Variants in MYO7A observed in about 807,000 individuals in gnomAD.
The protein encoded by MYO7A is myosin VIIA.
In MYO7A, 210 loss-of-function variants were observed where a neutral mutation model predicts 263.8. The ratio of observed to expected loss-of-function variants is 0.80; its 90% CI spans 0.71 to 0.89. MYO7A has a LOEUF of 0.89. Among genes scored for constraint, MYO7A ranks in the 40% least tolerant of loss-of-function variants. MYO7A has a pLI of 0.00. For missense variants in MYO7A, 2,820 were observed against 2,968.3 expected (o/e 0.95, Z 1.16); for synonymous variants, 1,239 against 1,197.3 (o/e 1.03, Z -0.72).
In MYO7A at chr11:77,177,532, G is replaced by C. The variant is rs1372144910; in HGVS notation, c.2188-17G>C. 1.2e-6 allele frequency: 2 copies of C among 1,601,138 alleles called. No homozygotes were observed. Among genetic ancestry groups the C allele is most frequent in the African/African-American group, 2.7e-5 (2 of 74,688 alleles). On this transcript the variant is annotated splice_polypyrimidine_tract_variant and intron_variant, in intron 18 of 48. Coordinates refer to ENST00000409709, the MANE Select transcript of MYO7A (RefSeq NM_000260.4). ...AGGAGACCTTGTGGGGCGCTGCTCA[G>C]GAGCTCTGCCTCCTAGGACCACCAT... is the stretch of plus-strand genomic sequence containing the variant.
intron 4 of MYO7A, among the ~76,000 whole-genome samples, chr11:77,149,797 C>T (rs1490392861): frequency 6.6e-6 from 1 of 152,140 alleles, no homozygotes; most frequent in African/African-American, 2.4e-5. Flanking sequence ...CTCTGTCCCT[C>T]AGTCAGGCCT....
chr11:77,195,404 C>T (rs895382326), intron 32 of MYO7A, among the ~76,000 whole-genome samples: 2 of 152,210 alleles, frequency 1.3e-5, no homozygotes, highest in African/African-American at 4.8e-5. Context: ...GGCACCTCCT[C>T]TCCCTTGGCC....
Position 77,182,141 on chromosome 11 carries a change from A to AG in MYO7A, c.3098dup (p.Asp1034Ter). The AG allele has an allele frequency of 6.2e-7, 1 of 1,613,240 alleles. No homozygotes were observed. Among genetic ancestry groups the AG allele is most frequent in the Admixed American group, 1.7e-5 (1 of 60,014 alleles). On this transcript the variant is annotated frameshift_variant, in exon 24 of 49. Transcript: ENST00000409709. LOFTEE classifies it high-confidence loss of function. ...CAGCCACTGCTCTACCATGACGACG[A>AG]GGGTGACCAGCTGGTAAGGCCTGCC...
chr11:77,160,879 A>C lies in MYO7A; in HGVS notation c.1201-94A>C, dbSNP rs1441576468. ...TTTCACACGGCACTTTGTTCCACAC[A>C]AGGGCTGGAGCGACACCACGAAGGG... On this transcript the variant is annotated intron_variant, in intron 11 of 48. Transcript: ENST00000409709. The C allele has an allele frequency of 3.7e-5, 54 of 1,444,476 alleles. No homozygotes were observed. In the Admixed American group the frequency reaches 1.1e-3, roughly 29 times the overall value. 89.5% of individuals were successfully genotyped at this position (1,444,476 alleles called of 1,614,324 possible).
Position 77,182,007 on chromosome 11 carries a change from C to G in MYO7A, c.2961C>G (p.Pro987=), listed in dbSNP as rs1591381599. The G allele has an allele frequency of 1.9e-6, 3 of 1,613,310 alleles. No individual in the cohort carries two copies. Among genetic ancestry groups the G allele is most frequent in the Non-Finnish European group, 1.7e-6 (2 of 1,179,784 alleles). The part of the protein sequence containing the change: ...MVEEDLDAAL[P]LPDEDEEDLS... Reference sequence around the variant, plus strand: ...AGGAGGACCTGGATGCAGCCCTGCCCCTGCCTGACGAGGATGAGGAGGACC... The same window carrying G: ...AGGAGGACCTGGATGCAGCCCTGCCGCTGCCTGACGAGGATGAGGAGGACC... The change falls in exon 24 of 49, where the codon CCC becomes CCG. Residue 987 remains proline (P), a synonymous_variant. Transcript: ENST00000409709.
intron 14 of MYO7A, 149 bp from the exon 15 acceptor site, chr11:77,165,907 C>G (rs559341544): frequency 1.0e-5 from 6 of 595,418 alleles, no homozygotes; most frequent in South Asian, 9.4e-5. Context: ...TTGGGCAAGT[C>G]TCTGTCCCCT....
chr11:77,173,160 A>C (rs1016548492), intron 16 of MYO7A, among the ~76,000 whole-genome samples: 1 of 152,202 alleles, frequency 6.6e-6, no homozygotes, highest in Non-Finnish European at 1.5e-5. Flanking sequence ...TTCTTCTCTT[A>C]TGCCTCAGTT....
chr11:77,170,662 G>T (rs2135387818), intron 15 of MYO7A, among the ~76,000 whole-genome samples: 1 of 152,186 alleles, frequency 6.6e-6, no homozygotes, highest in South Asian at 2.1e-4. Context: ...GGTGAGACAG[G>T]TGTGGCTCTC....
In MYO7A at chr11:77,211,163, G is replaced by A. The variant is rs111033209; in HGVS notation, c.6063G>A (p.Lys2021=). The A allele has an allele frequency of 5.6e-3, 8,842 of 1,580,260 alleles. 408 individuals are homozygous for A. The African/African-American group carries it at 0.1, about 18-fold the overall frequency. ...SIFHYYQELP[K]YLRGYHKCTR... Reference sequence around the variant, plus strand: ...TCTGTCTCTGACAGGAGTTGCCCAAGTATCTCCGAGGCTACCACAAGTGCA... The same window carrying A: ...TCTGTCTCTGACAGGAGTTGCCCAAATATCTCCGAGGCTACCACAAGTGCA... Residue 2021 remains lysine (K), a synonymous_variant, in exon 45 of 49, where the codon AAG becomes AAA. Transcript: ENST00000409709.
chr11:77,208,653 T>G (rs1172188729), intron 43 of MYO7A, 44 bp from the exon 44 acceptor site: 1 of 1,521,318 alleles, frequency 6.6e-7, no homozygotes, highest in East Asian at 2.4e-5. Context: ...TGAGCACTCC[T>G]CTGTGCAGGG....
chr11:77,169,279 G>T (rs1253827474), intron 15 of MYO7A, among the ~76,000 whole-genome samples: 1 of 152,224 alleles, frequency 6.6e-6, no homozygotes, highest in Non-Finnish European at 1.5e-5. Flanking sequence ...TGGGGCAGCC[G>T]TGGGCAGCCC....
intron 2 of MYO7A, among the ~76,000 whole-genome samples, chr11:77,135,529 C>T (rs1211841843): frequency 6.6e-6 from 1 of 152,192 alleles, no homozygotes; most frequent in East Asian, 1.9e-4. Flanking sequence ...CTGCTTTGAA[C>T]ATAGGTGTGC....
rs1487420828 is a variant in MYO7A at position 77,181,796 on chromosome 11, T to G, written c.2905-155T>G. On this transcript the variant is annotated intron_variant, in intron 23 of 48. Transcript: ENST00000409709. ...TTTTTTTTGTTTTTTTTTTTTTTTT[T>G]TTTTTTGAGATGGGGTCGTACCCTG... 4.8e-4 allele frequency among the ~76,000 whole-genome samples: 67 copies of G among 138,604 alleles called. 1 individual carries two copies. Among genetic ancestry groups the G allele is most frequent in the Non-Finnish European group, 7.2e-4 (46 of 64,224 alleles). The allele number at this position is 138,604 out of a possible 152,430, so 90.9% of individuals were successfully genotyped here.
chr11:77,191,609 T>G (rs567762645), intron 30 of MYO7A, among the ~76,000 whole-genome samples: 1 of 152,180 alleles, frequency 6.6e-6, no homozygotes, highest in Non-Finnish European at 1.5e-5. Context: ...CAGACTCACC[T>G]CGGAGGCTGG....
rs1455624911 is a variant in MYO7A, at chr11:77,160,915, T to C, written c.1201-58T>C. The C allele has an allele frequency of 2.6e-5, 41 of 1,560,852 alleles. No homozygotes were observed. In the East Asian group the frequency reaches 8.8e-4, roughly 33 times the overall value. ...CGACACCACGAAGGGTCCAGGAGCCTGGCCTGTCCCCCGGGGGAGGGTGTG... is the reference window on the plus strand; with the variant it reads ...CGACACCACGAAGGGTCCAGGAGCCCGGCCTGTCCCCCGGGGGAGGGTGTG... On this transcript the variant is annotated intron_variant, in intron 11 of 48. Coordinates refer to ENST00000409709, the MANE Select transcript of MYO7A (RefSeq NM_000260.4).
chr11:77,213,837 C>T (rs1565495101), intron 47 of MYO7A, 23 bp from the exon 48 acceptor site: 6 of 1,613,944 alleles, frequency 3.7e-6, no homozygotes, highest in Admixed American at 3.3e-5. Flanking sequence ...CCGTGCCTCT[C>T]TATGCCCTTT....
At chr11:77,192,971 GAGGTAGTTGTGATGGT>G (rs1956256759) in intron 31 of MYO7A, among the ~76,000 whole-genome samples, 1 of 17,800 alleles carries the variant, frequency 5.6e-5, no homozygotes, top group Non-Finnish European at 9.8e-5. Context: ...GGTGATGGTG[GAGGTAGTTGTGATGGT>G]GGAGGTAGTG....
At chr11:77,177,090 C>T (rs1004679096) in intron 18 of MYO7A, among the ~76,000 whole-genome samples, 1 of 152,124 alleles carries the variant, frequency 6.6e-6, no homozygotes, top group East Asian at 1.9e-4. Context: ...AGGAGGGTCC[C>T]TCTGGCTGCT....
chr11:77,135,145 C>T (rs1555047047), intron 2 of MYO7A, among the ~76,000 whole-genome samples: 1 of 152,176 alleles, frequency 6.6e-6, no homozygotes, highest in East Asian at 1.9e-4. Context: ...TGTTGTGTGA[C>T]CATCACCACT....
Sources: gnomAD v4.1 joint callset for allele counts (sites outside exome capture counted in the v4.1 genomes callset) on GRCh38, gnomAD v4.1.1 for gene constraint, MANE v1.5 for transcripts, NCBI Gene and HGNC (gene_info 2026-07-23, HGNC 2026-07-21) for gene names.